Variants in XRCC4 observed in about 807,000 individuals in gnomAD.
XRCC4 encodes X-ray repair cross complementing 4.
A neutral mutation model predicts 39.1 loss-of-function variants in XRCC4; 28 were observed. The observed-to-expected ratio is 0.72, with a 90% CI of 0.53 to 0.98. The LOEUF (loss-of-function observed/expected upper bound fraction) is 0.98, where lower values mean the gene tolerates loss of function less well. XRCC4 is among the 50% of genes least tolerant of loss of function. XRCC4 has a pLI of 0.00. For synonymous variants in XRCC4, 123 were observed against 126.4 expected (o/e 0.97, Z 0.18); for missense variants, 350 against 376.4 (o/e 0.93, Z 0.58).
intron 7 of XRCC4, among the ~76,000 whole-genome samples, chr5:83,302,737 A>G (rs1028477308): frequency 2.0e-5 from 3 of 152,230 alleles, no homozygotes; most frequent in Non-Finnish European, 4.4e-5. Flanking sequence ...GAGGAATAAC[A>G]TCAATTACAA....
At chr5:83,327,520 A>G (rs1756302805) in intron 7 of XRCC4, among the ~76,000 whole-genome samples, 1 of 152,138 alleles carries the variant, frequency 6.6e-6, no homozygotes, top group East Asian at 1.9e-4. Flanking sequence ...CAAAAAGGTA[A>G]CTATATGGGG....
intron 3 of XRCC4, among the ~76,000 whole-genome samples, chr5:83,183,932 AT>A (rs1285752403): frequency 6.6e-6 from 1 of 152,126 alleles, no homozygotes; most frequent in Non-Finnish European, 1.5e-5. Context: ...TAGACCAATA[AT>A]TTGTTTTTAT....
At chr5:83,264,312 G>A (rs1391088955) in intron 7 of XRCC4, among the ~76,000 whole-genome samples, 1 of 151,990 alleles carries the variant, frequency 6.6e-6, no homozygotes, top group Non-Finnish European at 1.5e-5. Flanking sequence ...TAACCCAGTT[G>A]CAGTCACATA....
intron 6 of XRCC4, among the ~76,000 whole-genome samples, chr5:83,222,405 T>G (rs1175712364): frequency 6.6e-6 from 1 of 152,200 alleles, no homozygotes; most frequent in East Asian, 1.9e-4. Flanking sequence ...TATTTAAATT[T>G]GCCTTATATT....
intron 1 of XRCC4, among the ~76,000 whole-genome samples, chr5:83,099,450 A>G (rs1745823128): frequency 6.6e-6 from 1 of 152,222 alleles, no homozygotes; most frequent in Non-Finnish European, 1.5e-5. Flanking sequence ...AAAAGGGCAT[A>G]CAAAATTCTT....
rs7727925 is a variant in XRCC4, at chr5:83,131,858, T to C, written c.315+20655T>C. Among the ~76,000 whole-genome samples, 936 of 152,334 alleles carry C rather than the reference T, an allele frequency of 6.1e-3. 9 individuals are homozygous for C. The highest frequency in any genetic ancestry group is 0.022 in the African/African-American group (899 of 41,580). ...CAATCTGCCTGTCTGTGTCTTTTAATTGGAGCATTTAGCCCATTTACATTT... is the reference window on the plus strand; with the variant it reads ...CAATCTGCCTGTCTGTGTCTTTTAACTGGAGCATTTAGCCCATTTACATTT... On this transcript the variant is annotated intron_variant, in intron 3 of 7. Transcript: ENST00000396027.
intron 7 of XRCC4, among the ~76,000 whole-genome samples, chr5:83,289,181 A>G (rs1167867196): frequency 1.3e-5 from 2 of 151,758 alleles, no homozygotes; most frequent in Non-Finnish European, 2.9e-5. Flanking sequence ...CATATAGTCT[A>G]CTTTTTCCAT....
At chr5:83,102,182 C>T (rs1745973582) in intron 1 of XRCC4, among the ~76,000 whole-genome samples, 2 of 152,044 alleles carry the variant, frequency 1.3e-5, no homozygotes, top group Admixed American at 1.3e-4. Context: ...TACAACTAGA[C>T]TACCAGTTGG....
rs139583298 is a variant in XRCC4, at chr5:83,102,530, T to C, written c.-10-2380T>C. Among the ~76,000 whole-genome samples the C allele has an allele frequency of 3.1e-4, 47 of 152,268 alleles. 1 individual carries two copies. The East Asian group carries it at 8.3e-3, about 27-fold the overall frequency. On this transcript the variant is annotated intron_variant, in intron 1 of 7. Coordinates refer to ENST00000396027, the MANE Select transcript of XRCC4 (RefSeq NM_003401.5). ...ATATCCAGAAGTCAGCAATAGGGCA[T>C]AGGAGATCAGAGTTGGAAACTTTTT... is the stretch of plus-strand genomic sequence containing the variant.
At chr5:83,105,149 A>G (rs1746138305) in intron 2 of XRCC4, 91 bp downstream of exon 2, 1 of 1,286,318 alleles carries the variant, frequency 7.8e-7, no homozygotes, top group South Asian at 1.6e-5. Flanking sequence ...ATTGGGTAAA[A>G]CTGATATTAA....
rs139734540 is a variant in XRCC4, at chr5:83,095,321, CTTTA to C, written c.-10-9585_-10-9582del. Among the ~76,000 whole-genome samples, 577 of 152,258 alleles carry C rather than the reference CTTTA, an allele frequency of 3.8e-3. 3 individuals carry two copies. The highest frequency in any genetic ancestry group is 0.012 in the African/African-American group (511 of 41,554). ...TCAGCCTTGGCCACAGGGTGTATTC[CTTTA>C]TTTGAGTTCAGCAGTTGGACAGGGT... On this transcript the variant is annotated intron_variant, in intron 1 of 7. Transcript: ENST00000396027.
intron 7 of XRCC4, among the ~76,000 whole-genome samples, chr5:83,294,286 A>G (rs1252451201): frequency 1.3e-5 from 2 of 152,062 alleles, no homozygotes; most frequent in African/African-American, 4.8e-5. Flanking sequence ...CCAAAGAAAT[A>G]TAATTGAAAG....
the XRCC4 span, among the ~76,000 whole-genome samples, chr5:83,373,651 A>G: frequency 6.6e-6 from 1 of 152,200 alleles, no homozygotes; most frequent in African/African-American, 2.4e-5. Context: ...ATGAAGAAGA[A>G]AATCTTAATT....
chr5:83,178,078 A>T (rs1750040242), intron 3 of XRCC4, among the ~76,000 whole-genome samples: 1 of 152,018 alleles, frequency 6.6e-6, no homozygotes, highest in African/African-American at 2.4e-5. Context: ...GACTAAATGG[A>T]TGAGGGAGAT....
intron 1 of XRCC4, among the ~76,000 whole-genome samples, chr5:83,096,338 A>G (rs568479650): frequency 2.7e-4 from 41 of 152,176 alleles, no homozygotes; most frequent in African/African-American, 9.1e-4. Flanking sequence ...GAGCTGAATT[A>G]TAGGGTAACT....
At chr5:83,128,981 T>C (rs553872793) in intron 3 of XRCC4, among the ~76,000 whole-genome samples, 100 of 152,286 alleles carry the variant, frequency 6.6e-4, no homozygotes, top group African/African-American at 2.4e-3. Flanking sequence ...TTAGTTTAAT[T>C]AGATCCCATT....
At chr5:83,235,762 T>C (rs906887074) in intron 6 of XRCC4, among the ~76,000 whole-genome samples, 73 of 152,092 alleles carry the variant, frequency 4.8e-4, no homozygotes, top group Non-Finnish European at 4.0e-4. Context: ...GCATTAAATT[T>C]GGAAAGGAAG....
chr5:83,128,881 T>C (rs143392105), intron 3 of XRCC4, among the ~76,000 whole-genome samples: 2,272 of 151,764 alleles, frequency 0.015, 71 homozygotes, highest in African/African-American at 0.052. Context: ...ATTAGCCTTT[T>C]GTCAGATGGG....
At chr5:83,098,306 T>C (rs186199269) in intron 1 of XRCC4, among the ~76,000 whole-genome samples, 62 of 152,254 alleles carry the variant, frequency 4.1e-4, no homozygotes, top group African/African-American at 1.2e-3. Flanking sequence ...ATTACAAGTT[T>C]TTGAATAAGA....
Sources: allele counts gnomAD v4.1 joint callset (sites outside exome capture counted in the v4.1 genomes callset), GRCh38; gene constraint gnomAD v4.1.1; transcripts MANE v1.5; gene names NCBI Gene and HGNC (gene_info 2026-07-23, HGNC 2026-07-21).